The following KIF16B variants were observed in gnomAD, a reference collection of about 807,000 sequenced individuals.
The protein encoded by KIF16B is kinesin-like protein KIF16B.
In KIF16B, 98 loss-of-function variants were observed where a neutral mutation model predicts 156.3. The observed-to-expected ratio is 0.63, with a 90% CI of 0.53 to 0.74. KIF16B has a LOEUF of 0.74. KIF16B is among the 30% of genes least tolerant of loss of function. The pLI, the probability that KIF16B is intolerant of heterozygous loss-of-function variation, is 0.00. For missense variants in KIF16B, 1,421 were observed against 1,606.5 expected, an observed-to-expected ratio of 0.88 and a Z score of 1.97; for synonymous variants, 564 against 583.7, an observed-to-expected ratio of 0.97 and a Z score of 0.49.
At chr20:16,342,249 T>C (rs2064152617) in intron 23 of KIF16B, among the ~76,000 whole-genome samples, 1 of 151,632 alleles carries the variant, frequency 6.6e-6, no homozygotes, top group South Asian at 2.1e-4. Flanking sequence ...TATATATCTC[T>C]CTACTTAGGA....
chr20:16,416,722 CT>C (rs200954964), intron 15 of KIF16B, among the ~76,000 whole-genome samples: 42 of 141,942 alleles, frequency 3.0e-4, no homozygotes, highest in Admixed American at 9.8e-4. Flanking sequence ...TACCCCAGAA[CT>C]TTAAAAAAAA....
chr20:16,277,789 T>C (rs988028511), intron 25 of KIF16B, among the ~76,000 whole-genome samples: 7 of 152,138 alleles, frequency 4.6e-5, no homozygotes, highest in African/African-American at 1.7e-4. Context: ...GAAAAAGATT[T>C]GTGAAATCCA....
chr20:16,430,630 C>T (rs1007516255), intron 12 of KIF16B, among the ~76,000 whole-genome samples: 1 of 151,990 alleles, frequency 6.6e-6, no homozygotes, highest in Non-Finnish European at 1.5e-5. Context: ...TCTTCAATTC[C>T]TTCCCTCTTA....
At chr20:16,393,751 T>C (rs1042661275) in intron 17 of KIF16B, among the ~76,000 whole-genome samples, 9 of 152,208 alleles carry the variant, frequency 5.9e-5, no homozygotes, top group Admixed American at 5.9e-4. Flanking sequence ...GAGGATGCTA[T>C]GAATAAGTAG....
chr20:16,357,606 G>A (rs1487511416), intron 22 of KIF16B, among the ~76,000 whole-genome samples: 2 of 152,146 alleles, frequency 1.3e-5, no homozygotes, highest in African/African-American at 4.8e-5. Flanking sequence ...AAGAAAACAG[G>A]GGGCAATAAG....
Position 16,440,533 on chromosome 20 carries a change from GCACACACACACACACACACACACA to G in KIF16B, c.1303-10575_1303-10552del, listed in dbSNP as rs71192333. On this transcript the variant is annotated intron_variant, in intron 12 of 25. Transcript: ENST00000354981. ...CTATGGTTAAAACACACAAGCGCGC[GCACACACACACACACACACACACA>G]CACACACACACACACACACACACAC... is the stretch of plus-strand genomic sequence containing the variant. Among the ~76,000 whole-genome samples the G allele has an allele frequency of 3.0e-3, 419 of 138,346 alleles. 2 individuals are homozygous for G. Among genetic ancestry groups the G allele is most frequent in the African/African-American group, 0.01 (393 of 37,450 alleles). The allele number at this position is 138,346 out of a possible 152,430, so 90.8% of individuals were successfully genotyped here.
At position 16,335,964 on chromosome 20, in the gene KIF16B, G is replaced by C; in HGVS notation, c.3673C>G (p.Arg1225Gly). 6.3e-7 allele frequency: 1 copy of C among 1,590,798 alleles called. No individual in the cohort carries two copies. The highest frequency in any genetic ancestry group is 8.6e-7 in the Non-Finnish European group (1 of 1,165,584). The change falls in exon 24 of 26, where the codon CGA becomes GGA. Residue 1225 changes from arginine to glycine, a missense_variant. Physicochemically the swap from Arg to Gly is moderately radical, Grantham distance 125. Coordinates refer to ENST00000354981, the MANE Select transcript of KIF16B (RefSeq NM_024704.5). ...WTVFRRYSRF[R>G]EMHKTLKLKY... Reference sequence around the variant, plus strand: ...AACTTCAATGTTTTATGCATTTCTCGAAAACGACTGTAACGCCTGAATACA... The same window carrying C: ...AACTTCAATGTTTTATGCATTTCTCCAAAACGACTGTAACGCCTGAATACA...
intron 12 of KIF16B, among the ~76,000 whole-genome samples, chr20:16,487,707 A>C (rs1389994189): frequency 6.6e-6 from 1 of 152,172 alleles, no homozygotes. Flanking sequence ...AACATTTTGA[A>C]AGGGTTACAA....
At chr20:16,509,878 A>C (rs548887968) in intron 6 of KIF16B, among the ~76,000 whole-genome samples, 1 of 152,316 alleles carries the variant, frequency 6.6e-6, no homozygotes, top group African/African-American at 2.4e-5. Context: ...TCTGAGTTTT[A>C]AGTCAGGTTT....
chr20:16,363,508 T>C (rs181670421), intron 22 of KIF16B, among the ~76,000 whole-genome samples: 171 of 152,326 alleles, frequency 1.1e-3, no homozygotes, highest in African/African-American at 3.7e-3. Context: ...TCTCTCCCTA[T>C]AGTAGTAGTA....
intron 22 of KIF16B, among the ~76,000 whole-genome samples, chr20:16,363,187 A>T (rs921996653): frequency 6.6e-6 from 1 of 152,226 alleles, no homozygotes; most frequent in Admixed American, 6.5e-5. Context: ...ATTCTGCAAC[A>T]GAGGGTGCCA....
chr20:16,532,925 T>C (rs2069813478), intron 1 of KIF16B, among the ~76,000 whole-genome samples: 1 of 152,160 alleles, frequency 6.6e-6, no homozygotes, highest in Non-Finnish European at 1.5e-5. Flanking sequence ...TTGGAGCAGC[T>C]AAATTTAAAG....
intron 1 of KIF16B, among the ~76,000 whole-genome samples, chr20:16,549,818 C>A (rs1215165845): frequency 2.5e-5 from 3 of 117,674 alleles, no homozygotes; most frequent in Non-Finnish European, 5.2e-5. Context: ...AACTGGATCC[C>A]TTCCTTACAC....
At chr20:16,565,175 C>A (rs547650173) in intron 1 of KIF16B, among the ~76,000 whole-genome samples, 2 of 152,304 alleles carry the variant, frequency 1.3e-5, no homozygotes, top group East Asian at 3.9e-4. Context: ...GTTGTGGCCT[C>A]AGGACGCTTT....
rs570430706 is a variant in KIF16B at position 16,375,241 on chromosome 20, G to A, written c.3198-832C>T. On this transcript the variant is annotated intron_variant, in intron 19 of 25. Coordinates refer to ENST00000354981, the MANE Select transcript of KIF16B (RefSeq NM_024704.5). ...GGAGACTGCAGTCCACTCACTGTGT[G>A]AGCTTGGGGAAGTTATTTAAACACG... is the stretch of plus-strand genomic sequence containing the variant. 1.6e-3 allele frequency among the ~76,000 whole-genome samples: 249 copies of A among 152,326 alleles called. 2 individuals carry two copies. Among genetic ancestry groups the A allele is most frequent in the Non-Finnish European group, 9.0e-4 (61 of 68,036 alleles).
intron 23 of KIF16B, among the ~76,000 whole-genome samples, chr20:16,354,366 A>G (rs1406737517): frequency 1.3e-5 from 2 of 152,138 alleles, no homozygotes; most frequent in African/African-American, 4.8e-5. Flanking sequence ...TTCTGAACTA[A>G]TGGAAGCCAG....
intron 17 of KIF16B, among the ~76,000 whole-genome samples, chr20:16,396,598 A>G (rs922442306): frequency 4.0e-5 from 6 of 151,548 alleles, no homozygotes; most frequent in Non-Finnish European, 5.9e-5. Flanking sequence ...GGACAGTGGA[A>G]GAAACAGAGG....
intron 2 of KIF16B, among the ~76,000 whole-genome samples, chr20:16,526,660 T>C (rs6135785): frequency 0.11 from 16,314 of 152,256 alleles, 1,066 homozygotes; most frequent in East Asian, 0.32. Flanking sequence ...GGACACTCCA[T>C]GGAGAAGTAA....
chr20:16,403,385 C>T (rs745914527), intron 17 of KIF16B, among the ~76,000 whole-genome samples: 2 of 152,206 alleles, frequency 1.3e-5, no homozygotes, highest in African/African-American at 4.8e-5. Context: ...TACAACAAAA[C>T]GTGCCTCTGA....
Sources: allele counts gnomAD v4.1 joint callset (sites outside exome capture counted in the v4.1 genomes callset), GRCh38; gene constraint gnomAD v4.1.1; transcripts MANE v1.5; gene names NCBI Gene and HGNC (gene_info 2026-07-23, HGNC 2026-07-21).